The following PHKB variants were observed in gnomAD, a reference collection of about 807,000 sequenced individuals.
PHKB encodes phosphorylase b kinase regulatory subunit beta.
A neutral mutation model predicts 152.1 loss-of-function variants in PHKB; 122 were observed. The observed-to-expected ratio is 0.80, with a 90% CI of 0.69 to 0.93. PHKB has a LOEUF of 0.93. Ranked by LOEUF, PHKB falls within the 40% of genes least tolerant of loss-of-function variation. PHKB has a pLI of 0.00. For synonymous variants in PHKB, 436 were observed against 464.9 expected (o/e 0.94, Z 0.80); for missense variants, 1,304 against 1,328.4 (o/e 0.98, Z 0.29).
At chr16:47,583,794 T>C (rs918587791) in intron 8 of PHKB, among the ~76,000 whole-genome samples, 4 of 152,192 alleles carry the variant, frequency 2.6e-5, no homozygotes, top group African/African-American at 9.6e-5. Context: ...CTTTCTACTT[T>C]TAGAATTGGG....
chr16:47,695,176 T>G (rs1213474390), intron 28 of PHKB, among the ~76,000 whole-genome samples: 1 of 152,218 alleles, frequency 6.6e-6, no homozygotes, highest in African/African-American at 2.4e-5. Flanking sequence ...TCTGCTACAC[T>G]ACTTACCCTA....
intron 13 of PHKB, among the ~76,000 whole-genome samples, chr16:47,603,741 G>A (rs528396579): frequency 2.6e-5 from 4 of 152,108 alleles, no homozygotes; most frequent in African/African-American, 4.8e-5. Context: ...CTGAGCTCGG[G>A]CAATCTGCCC....
chr16:47,465,338 T>A (rs1969649651), intron 1 of PHKB, among the ~76,000 whole-genome samples: 1 of 152,158 alleles, frequency 6.6e-6, no homozygotes, highest in South Asian at 2.1e-4. Flanking sequence ...CATTCAGTAG[T>A]AATGGGGAAA....
At chr16:47,592,199 G>GT (rs1047090756) in intron 10 of PHKB, among the ~76,000 whole-genome samples, 3 of 152,218 alleles carry the variant, frequency 2.0e-5, no homozygotes, top group Non-Finnish European at 4.4e-5. Context: ...AGCTGGTCCT[G>GT]TTTTTTGCCC....
At chr16:47,671,662 C>T (rs566541361) in intron 26 of PHKB, among the ~76,000 whole-genome samples, 1 of 152,144 alleles carries the variant, frequency 6.6e-6, no homozygotes, top group Non-Finnish European at 1.5e-5. Flanking sequence ...GCAATATCTG[C>T]ATACATCGTA....
intron 1 of PHKB, among the ~76,000 whole-genome samples, chr16:47,467,590 C>G (rs1167779595): frequency 6.6e-6 from 1 of 152,150 alleles, no homozygotes; most frequent in Non-Finnish European, 1.5e-5. Context: ...GACCTCTGAC[C>G]TCTTACTAGG....
chr16:47,553,456 T>C (rs1971310424), intron 7 of PHKB, among the ~76,000 whole-genome samples: 1 of 152,138 alleles, frequency 6.6e-6, no homozygotes, highest in Non-Finnish European at 1.5e-5. Context: ...TCAAAGTTGT[T>C]AGCTTCCTTG....
Position 47,594,150 on chromosome 16 carries a change from C to T in PHKB, c.1140C>T (p.Gly380=). The part of the protein sequence containing the change: ...LYMMIDGVFR[G]NPKQVQEYQD... ...TTTATATTTTAGGAGTTTTTAGAGGCAATCCTAAGCAAGTACAGGAATATC... is the reference window on the plus strand; with the variant it reads ...TTTATATTTTAGGAGTTTTTAGAGGTAATCCTAAGCAAGTACAGGAATATC... The change falls in exon 12 of 31, where the codon GGC becomes GGT. Residue 380 remains glycine (G), a synonymous_variant. Coordinates refer to ENST00000323584, the MANE Select transcript of PHKB (RefSeq NM_000293.3). 6.5e-7 allele frequency: 1 copy of T among 1,536,732 alleles called. No homozygotes were observed. Among genetic ancestry groups the T allele is most frequent in the Non-Finnish European group, 9.0e-7 (1 of 1,110,010 alleles).
intron 7 of PHKB, chr16:47,566,785 C>T (rs1392559380): frequency 1.1e-5 from 8 of 736,872 alleles, no homozygotes; most frequent in Non-Finnish European, 1.5e-5. Context: ...GCCCAGCTGA[C>T]TGGTTTGGAA....
chr16:47,590,994 C>T (rs1209165883), intron 10 of PHKB, among the ~76,000 whole-genome samples: 1 of 152,148 alleles, frequency 6.6e-6, no homozygotes, highest in Non-Finnish European at 1.5e-5. Flanking sequence ...TCTCTCTTGC[C>T]TCACAGAAGG....
chr16:47,540,012 T>G (rs576973675), intron 6 of PHKB, among the ~76,000 whole-genome samples: 1 of 152,330 alleles, frequency 6.6e-6, no homozygotes, highest in African/African-American at 2.4e-5. Context: ...AAAAAAGCCA[T>G]ATTTTACTTC....
At chr16:47,481,965 T>C (rs1212844960) in intron 1 of PHKB, among the ~76,000 whole-genome samples, 1 of 152,212 alleles carries the variant, frequency 6.6e-6, no homozygotes, top group Non-Finnish European at 1.5e-5. Flanking sequence ...CGTTCTCCCC[T>C]CCAGCAGTTT....
intron 12 of PHKB, among the ~76,000 whole-genome samples, chr16:47,595,580 G>T (rs532227823): frequency 1.2e-4 from 18 of 152,072 alleles, no homozygotes; most frequent in Non-Finnish European, 2.5e-4. Flanking sequence ...TTTAAATGGG[G>T]ATTTCTTTGC....
chr16:47,506,027 C>CAAAAAA (rs1198434467), intron 4 of PHKB, among the ~76,000 whole-genome samples: 1 of 50,268 alleles, frequency 2.0e-5, no homozygotes, highest in Non-Finnish European at 4.1e-5. Flanking sequence ...GAAACTGTCT[C>CAAAAAA]AAAAAAAAAA....
intron 10 of PHKB, chr16:47,590,159 G>C (rs555287668): frequency 6.6e-6 from 1 of 152,174 alleles, no homozygotes; most frequent in South Asian, 2.1e-4. Context: ...CTAGGAATCT[G>C]TATGTAGAAA....
chr16:47,635,019 T>A (rs942132569), intron 14 of PHKB, among the ~76,000 whole-genome samples: 2 of 152,170 alleles, frequency 1.3e-5, no homozygotes, highest in African/African-American at 4.8e-5. Context: ...GGTTTAAGAC[T>A]GAGGTAAGTA....
At chr16:47,582,900 G>A (rs781246625) in intron 8 of PHKB, among the ~76,000 whole-genome samples, 1 of 152,132 alleles carries the variant, frequency 6.6e-6, no homozygotes, top group Non-Finnish European at 1.5e-5. Context: ...GGGTTCAAGC[G>A]ATTCTCCTGC....
At chr16:47,590,712 C>T (rs1161933318) in intron 10 of PHKB, 1 of 150,320 alleles carries the variant, frequency 6.7e-6, no homozygotes, top group African/African-American at 2.5e-5. Flanking sequence ...CTTTCTTCAC[C>T]TTCTGCTGAG....
In PHKB at chr16:47,461,408, G is replaced by A; in HGVS notation, c.58G>A (p.Ala20Thr). The A allele has an allele frequency of 6.2e-7, 1 of 1,613,310 alleles. No homozygotes were observed. The highest frequency in any genetic ancestry group is 1.1e-5 in the South Asian group (1 of 91,050). ...GAGCTGGAAGGTCTTGGAGCGAAGA[G>A]CTCGGACCAAGCGCTCAGGTTTGGC... ...EVSWKVLERRARTKRSGSVYE... is the reference protein window; with the variant it reads ...EVSWKVLERRTRTKRSGSVYE... Residue 20 changes from alanine (A) to threonine (T), a missense_variant, in exon 1 of 31, where the codon GCT becomes ACT. By Grantham distance (58) the Ala-to-Thr change is moderately conservative (BLOSUM62 0). Transcript: ENST00000323584.
Sources: gnomAD v4.1 joint callset for allele counts (sites outside exome capture counted in the v4.1 genomes callset) on GRCh38, gnomAD v4.1.1 for gene constraint, MANE v1.5 for transcripts, NCBI Gene and HGNC (gene_info 2026-07-23, HGNC 2026-07-21) for gene names.